KLHL13: variants seen among roughly 807,000 people sequenced by gnomAD.
The protein encoded by KLHL13 is kelch like family member 13.
A neutral mutation model predicts 37.1 loss-of-function variants in KLHL13; 10 were observed. That is an observed-to-expected ratio of 0.27 (90% CI 0.17 to 0.46). The LOEUF (loss-of-function observed/expected upper bound fraction) is 0.46. KLHL13 is among the 20% of genes least tolerant of loss of function. KLHL13 has a pLI of 1.00. For missense variants in KLHL13, 360 were observed against 509.3 expected (o/e 0.71, Z 2.82); for synonymous variants, 163 against 181.2 (o/e 0.90, Z 0.81).
chrX:118,031,516 CAT>C (rs1231702285), intron 1 of KLHL13, among the ~76,000 whole-genome samples: 1 of 64,572 alleles, frequency 1.5e-5, no homozygotes, highest in Non-Finnish European at 2.6e-5. Context: ...TATACACACA[CAT>C]ATATATTTAG....
chrX:118,015,358 G>A (rs1422925768), intron 1 of KLHL13, among the ~76,000 whole-genome samples: 1 of 111,583 alleles, frequency 9.0e-6, no homozygotes, highest in Non-Finnish European at 1.9e-5. Context: ...TAAGTGTTCT[G>A]TAATAAATAT....
intron 1 of KLHL13, among the ~76,000 whole-genome samples, chrX:117,956,622 G>A (rs894964576): frequency 8.9e-6 from 1 of 112,166 alleles, no homozygotes; most frequent in Non-Finnish European, 1.9e-5. Context: ...AAAAAGAGAA[G>A]TATTCCTTTC....
chrX:117,919,503 G>A lies in KLHL13; in HGVS notation c.570+18C>T. 1 of 1,172,952 alleles carries A rather than the reference G, an allele frequency of 8.5e-7. No homozygotes were observed. Among genetic ancestry groups the A allele is most frequent in the Non-Finnish European group, 1.2e-6 (1 of 862,811 alleles). ...TCAGAGTCTACCACAGGAAAAATCAGATTTCAAAATATCTTACCCCAGATA... is the reference window on the plus strand; with the variant it reads ...TCAGAGTCTACCACAGGAAAAATCAAATTTCAAAATATCTTACCCCAGATA... On this transcript the variant is annotated intron_variant, in intron 4 of 6. Coordinates refer to ENST00000262820, the Ensembl canonical transcript of KLHL13.
At chrX:117,984,155 T>C (rs1251196436) in intron 1 of KLHL13, among the ~76,000 whole-genome samples, 10 of 111,666 alleles carry the variant, frequency 9.0e-5, no homozygotes, top group South Asian at 3.7e-4. Flanking sequence ...CTGTCATACA[T>C]CTAGCTCTTT....
intron 1 of KLHL13, among the ~76,000 whole-genome samples, chrX:118,014,852 A>G (rs1464722845): frequency 8.9e-6 from 1 of 112,600 alleles, no homozygotes; most frequent in Non-Finnish European, 1.9e-5. Flanking sequence ...TGTTTGTACC[A>G]CAGAATGGCT....
chrX:118,078,209 C>T lies in KLHL13; in HGVS notation c.-56+38299G>A, dbSNP rs2054948128. Among the ~76,000 whole-genome samples, 9 of 111,437 alleles carry T rather than the reference C, an allele frequency of 8.1e-5. No individual in the cohort carries two copies. In the South Asian group the frequency reaches 3.4e-3, roughly 42 times the overall value. The stretch of plus-strand genomic sequence containing the variant: ...TATTTCATAATCACAAATGGTGGTC[C>T]AATTTATAATGCAAATCACATGGGT... On this transcript the variant is annotated intron_variant, in intron 1 of 6. Transcript: ENST00000371882.
At chrX:118,045,679 C>T (rs1327990790) in intron 1 of KLHL13, among the ~76,000 whole-genome samples, 2 of 110,601 alleles carry the variant, frequency 1.8e-5, no homozygotes, top group African/African-American at 6.6e-5. Flanking sequence ...CGTGGTGGTG[C>T]ATGCCTGTAA....
Position 117,919,836 on chromosome X carries a change from T to G in KLHL13, c.374-119A>C, listed in dbSNP as rs775819759. 148 of 521,873 alleles carry G rather than the reference T, an allele frequency of 2.8e-4. 1 individual carries two copies. The highest frequency in any genetic ancestry group is 4.2e-4 in the Non-Finnish European group (134 of 318,240). 43.0% of individuals were successfully genotyped at this position (521,873 alleles called of 1,213,427 possible). A position where few individuals can be genotyped will look rare whatever the true frequency, so the allele number is the denominator to read the frequency against. The stretch of plus-strand genomic sequence containing the variant: ...TCTTATCTTATATAAGCAGTCATAT[T>G]AGAGTCAGTCTGCTGCACATTTTAC... On this transcript the variant is annotated intron_variant, in intron 3 of 6. Transcript: ENST00000262820.
At chrX:118,093,117 G>A (rs770220157) in intron 1 of KLHL13, among the ~76,000 whole-genome samples, 1 of 110,973 alleles carries the variant, frequency 9.0e-6, no homozygotes, top group African/African-American at 3.3e-5. Context: ...CCTGCTAAAA[G>A]TGCCTCCACT....
chrX:118,031,420 A>AATATATATAGATATATATATTTAGAT lies in KLHL13; in HGVS notation c.-56+85062_-56+85087dup, dbSNP rs1188492618. Among the ~76,000 whole-genome samples, 690 of 73,412 alleles carry AATATATATAGATATATATATTTAGAT rather than the reference A, an allele frequency of 9.4e-3. 71 individuals carry two copies. Among genetic ancestry groups the AATATATATAGATATATATATTTAGAT allele is most frequent in the African/African-American group, 0.024 (361 of 15,345 alleles). 63.7% of individuals were successfully genotyped at this position (73,412 alleles called of 115,157 possible). ...CTTTAACTAAAACTTTTAGCCAGGGAATATATATAGATATATATATTTAGA... is the reference window on the plus strand; with the variant it reads ...CTTTAACTAAAACTTTTAGCCAGGGAATATATATAGATATATATATTTAGATATATATATAGATATATATATTTAGA... On this transcript the variant is annotated intron_variant, in intron 1 of 6. Coordinates refer to the KLHL13 transcript ENST00000371882.
chrX:117,973,137 A>G, exon 1 of KLHL13: 1 of 956,161 alleles, frequency 1.0e-6, no homozygotes, highest in Admixed American at 4.7e-5. Flanking sequence ...ATGCAGCTTT[A>G]TTTAATAAAA....
At chrX:118,048,927 G>T (rs953099488) in intron 1 of KLHL13, among the ~76,000 whole-genome samples, 1 of 111,806 alleles carries the variant, frequency 8.9e-6, no homozygotes, top group Non-Finnish European at 1.9e-5. Context: ...GAGATATCTT[G>T]CATAAGTTCA....
chrX:118,007,784 G>A (rs2054003717), intron 1 of KLHL13, among the ~76,000 whole-genome samples: 1 of 111,438 alleles, frequency 9.0e-6, no homozygotes, highest in Non-Finnish European at 1.9e-5. Context: ...GTGGATTAAG[G>A]ACTCTTAGAA....
At chrX:118,080,571 C>T (rs887518082) in intron 1 of KLHL13, among the ~76,000 whole-genome samples, 4 of 111,954 alleles carry the variant, frequency 3.6e-5, no homozygotes, top group African/African-American at 1.3e-4. Context: ...TACCCTCTTA[C>T]ACCAGTGAGA....
chrX:117,911,745 C>A (rs1931003910), intron 4 of KLHL13, among the ~76,000 whole-genome samples: 2 of 111,859 alleles, frequency 1.8e-5, no homozygotes, highest in Non-Finnish European at 3.8e-5. Context: ...TTTTTTATGG[C>A]TGCATAGTAT....
intron 1 of KLHL13, among the ~76,000 whole-genome samples, chrX:118,094,437 G>A (rs2055177156): frequency 9.0e-6 from 1 of 111,489 alleles, no homozygotes; most frequent in East Asian, 2.8e-4. Flanking sequence ...AAGTGACAGG[G>A]AGAATGGAAC....
intron 1 of KLHL13, among the ~76,000 whole-genome samples, chrX:117,996,048 T>C (rs141963048): frequency 0.063 from 7,047 of 111,232 alleles, 551 homozygotes; most frequent in African/African-American, 0.22. Context: ...GGTGAACATA[T>C]GATAACTCTA....
At chrX:117,931,015 A>C (rs754889052) in intron 2 of KLHL13, among the ~76,000 whole-genome samples, 2 of 112,099 alleles carry the variant, frequency 1.8e-5, no homozygotes, top group African/African-American at 3.2e-5. Context: ...TGACATTATC[A>C]GCAACCCAAG....
intron 1 of KLHL13, among the ~76,000 whole-genome samples, chrX:118,028,934 A>T (rs1034915909): frequency 1.8e-5 from 2 of 111,861 alleles, no homozygotes; most frequent in African/African-American, 6.5e-5. Context: ...GCTGCACCTC[A>T]CCTGGGATGT....
Sources: gnomAD v4.1 joint callset for allele counts (sites outside exome capture counted in the v4.1 genomes callset) on GRCh38, gnomAD v4.1.1 for gene constraint, MANE v1.5 for transcripts, NCBI Gene and HGNC (gene_info 2026-07-23, HGNC 2026-07-21) for gene names.